The following PTCHD4 variants were observed in gnomAD, a reference collection of about 807,000 sequenced individuals.
PTCHD4 encodes the protein patched domain-containing protein 4.
A neutral mutation model predicts 58.1 loss-of-function variants in PTCHD4; 33 were observed. The ratio of observed to expected loss-of-function variants is 0.57; its 90% CI spans 0.43 to 0.76. The LOEUF is 0.76. PTCHD4 is among the 30% of genes least tolerant of loss of function. The probability of loss-of-function intolerance (pLI) is 0.00; values close to 1 mark genes in which losing one functional copy is unlikely to be tolerated. For missense variants in PTCHD4, 1,058 were observed against 1,027.1 expected (o/e 1.03, Z -0.41); for synonymous variants, 478 against 409.6 (o/e 1.17, Z -2.02).
chr6:48,015,678 C>T (rs994697929), intron 3 of PTCHD4, among the ~76,000 whole-genome samples: 1 of 151,866 alleles, frequency 6.6e-6, no homozygotes, highest in Non-Finnish European at 1.5e-5. Flanking sequence ...TTGCATAGAC[C>T]TTTTATCTTC....
intron 4 of PTCHD4, among the ~76,000 whole-genome samples, chr6:47,974,949 CTGTT>C (rs1561986154): frequency 2.6e-5 from 4 of 152,182 alleles, no homozygotes; most frequent in African/African-American, 9.7e-5. Flanking sequence ...CATTCAATGA[CTGTT>C]TATTTACTAG....
intron 4 of PTCHD4, among the ~76,000 whole-genome samples, chr6:47,961,543 C>T (rs909565444): frequency 2.6e-5 from 4 of 152,064 alleles, no homozygotes; most frequent in Non-Finnish European, 5.9e-5. Context: ...ATTCAGCTGC[C>T]TCAGCCTCCC....
intron 4 of PTCHD4, among the ~76,000 whole-genome samples, chr6:47,998,589 T>A (rs1301487839): frequency 6.6e-6 from 1 of 152,162 alleles, no homozygotes; most frequent in African/African-American, 2.4e-5. Flanking sequence ...GGAGGTGGAT[T>A]CCAAAGAAGA....
Position 47,879,877 on chromosome 6 carries a change from A to C in PTCHD4, c.958T>G (p.Leu320Val), listed in dbSNP as rs1763968914. ...TCTGCTATCCTGTCTTTGAAGGGCA[A>C]GTTCTCTTTGGTTCTCCGCCATCCG... ...LSGWRRTKEN[L>V]PFKDRIADAY... The change falls in exon 5 of 5, where the codon TTG (leucine) becomes GTG (valine). Residue 320 changes from leucine to valine, a missense_variant. Leu to Val is a conservative substitution (Grantham distance 32, BLOSUM62 1). Transcript: ENST00000339488. 6.3e-7 allele frequency: 1 copy of C among 1,596,100 alleles called. No homozygotes were observed. Among genetic ancestry groups the C allele is most frequent in the Non-Finnish European group, 8.5e-7 (1 of 1,170,672 alleles).
In PTCHD4 at chr6:47,868,978, T is replaced by C. The variant is rs1343829172; in HGVS notation, c.*9325A>G. 6.6e-6 allele frequency among the ~76,000 whole-genome samples: 1 copy of C among 151,658 alleles called. No homozygotes were observed. The highest frequency in any genetic ancestry group is 2.4e-5 in the African/African-American group (1 of 41,354). On this transcript the variant is annotated 3_prime_UTR_variant, in exon 5 of 5. Coordinates refer to ENST00000339488, the MANE Select transcript of PTCHD4 (RefSeq NM_001384253.1). ...ATACGGCAAACTATATAAAATGAAA[T>C]ATTACTAAGACTTCTTTGGTCTCCT... is the stretch of plus-strand genomic sequence containing the variant.
At chr6:47,918,673 G>GA (rs1024501062) in intron 4 of PTCHD4, among the ~76,000 whole-genome samples, 6 of 150,662 alleles carry the variant, frequency 4.0e-5, no homozygotes, top group Admixed American at 6.6e-5. Flanking sequence ...ATTCTAAGTG[G>GA]AAAAAAAAAT....
Position 48,023,607 on chromosome 6 carries a change from T to G in PTCHD4, c.418-14493A>C, listed in dbSNP as rs533671688. On this transcript the variant is annotated intron_variant, in intron 3 of 4. Transcript: ENST00000339488. ...TCGCCTACCTCCTATTTCATGAGGT[T>G]TGGAGACAAAACTTCCAATGGAAAT... Among the ~76,000 whole-genome samples, 3 of 152,290 alleles carry G rather than the reference T, an allele frequency of 2.0e-5. No homozygotes were observed. In the East Asian group the frequency reaches 5.8e-4, roughly 29 times the overall value.
At chr6:48,056,769 T>C (rs1479281048) in intron 3 of PTCHD4, among the ~76,000 whole-genome samples, 2 of 152,320 alleles carry the variant, frequency 1.3e-5, no homozygotes, top group South Asian at 2.1e-4. Context: ...AGGCCTTTCA[T>C]GGTCTTCCTC....
chr6:47,927,267 C>T (rs1765656479), intron 4 of PTCHD4, among the ~76,000 whole-genome samples: 1 of 152,176 alleles, frequency 6.6e-6, no homozygotes, highest in African/African-American at 2.4e-5. Flanking sequence ...GGGGCTGTGC[C>T]TCTTGTTGCT....
chr6:47,856,677 C>A lies in PTCHD4; in HGVS notation c.*21626G>T, dbSNP rs147162900. Among the ~76,000 whole-genome samples, 231 of 152,078 alleles carry A rather than the reference C, an allele frequency of 1.5e-3. 2 individuals are homozygous for A. Among genetic ancestry groups the A allele is most frequent in the African/African-American group, 5.2e-3 (214 of 41,528 alleles). ...AAGGAAAGAGCCACACATTCATTTTCTTTGACAAAACTTTAATTAGAAAAC... is the reference window on the plus strand; with the variant it reads ...AAGGAAAGAGCCACACATTCATTTTATTTGACAAAACTTTAATTAGAAAAC... On this transcript the variant is annotated 3_prime_UTR_variant, in exon 5 of 5. Coordinates refer to ENST00000339488, the MANE Select transcript of PTCHD4 (RefSeq NM_001384253.1).
intron 4 of PTCHD4, among the ~76,000 whole-genome samples, chr6:47,927,470 T>A (rs1436382809): frequency 6.6e-6 from 1 of 152,200 alleles, no homozygotes; most frequent in African/African-American, 2.4e-5. Context: ...CAAACAATAT[T>A]ATTTTGGCAC....
intron 3 of PTCHD4, among the ~76,000 whole-genome samples, chr6:48,044,245 A>G (rs943594187): frequency 6.6e-6 from 1 of 151,852 alleles, no homozygotes; most frequent in African/African-American, 2.4e-5. Flanking sequence ...TTGACACACC[A>G]TGAGGGTATT....
At chr6:47,903,276 G>T (rs950651119) in intron 4 of PTCHD4, among the ~76,000 whole-genome samples, 1 of 151,744 alleles carries the variant, frequency 6.6e-6, no homozygotes, top group East Asian at 1.9e-4. Flanking sequence ...TATAGGGGGA[G>T]ATGATCATTA....
intron 1 of PTCHD4, among the ~76,000 whole-genome samples, chr6:48,088,293 A>T (rs765857167): frequency 6.6e-6 from 1 of 152,188 alleles, no homozygotes; most frequent in Non-Finnish European, 1.5e-5. Flanking sequence ...CTCTCTTAAC[A>T]TAATTTAGAT....
intron 1 of PTCHD4, among the ~76,000 whole-genome samples, chr6:48,103,197 A>T (rs1044168098): frequency 7.9e-5 from 12 of 151,952 alleles, no homozygotes; most frequent in African/African-American, 2.9e-4. Context: ...ACTGGGAGAC[A>T]CCCCCCAGTA....
chr6:48,035,409 A>G (rs1042557850), intron 3 of PTCHD4, among the ~76,000 whole-genome samples: 1 of 152,146 alleles, frequency 6.6e-6, no homozygotes, highest in Admixed American at 6.6e-5. Context: ...ACTTGGTAGA[A>G]CTGCCAGTTC....
chr6:48,105,203 T>G (rs1765693017), intron 1 of PTCHD4, among the ~76,000 whole-genome samples: 1 of 152,210 alleles, frequency 6.6e-6, no homozygotes. Flanking sequence ...TAGTTGGAAG[T>G]AAACCACTCC....
chr6:47,951,242 T>C (rs1766635054), intron 4 of PTCHD4, among the ~76,000 whole-genome samples: 1 of 152,156 alleles, frequency 6.6e-6, no homozygotes, highest in African/African-American at 2.4e-5. Flanking sequence ...ACAGTTCTAG[T>C]AGTAGCTCAT....
chr6:48,057,171 G>GT (rs372080844), intron 3 of PTCHD4, among the ~76,000 whole-genome samples: 19,710 of 149,340 alleles, frequency 0.13, 1,284 homozygotes, highest in Admixed American at 0.18. Flanking sequence ...TCTGGCGGCG[G>GT]TTTTTTTTGT....
Sources: gnomAD v4.1 joint callset for allele counts (sites outside exome capture counted in the v4.1 genomes callset) on GRCh38, gnomAD v4.1.1 for gene constraint, MANE v1.5 for transcripts, NCBI Gene and HGNC (gene_info 2026-07-23, HGNC 2026-07-21) for gene names.